Variants in ANK3 observed in about 807,000 individuals in gnomAD.
ANK3 encodes ankyrin 3.
A neutral mutation model predicts 370.9 loss-of-function variants in ANK3; 57 were observed. The observed-to-expected ratio is 0.15, with a 90% CI of 0.12 to 0.19. The LOEUF is 0.19. Ranked by LOEUF, ANK3 falls within the 10% of genes least tolerant of loss-of-function variation. The pLI, the probability that ANK3 is intolerant of heterozygous loss-of-function variation, is 1.00. For missense variants in ANK3, 4,439 were observed against 5,302.1 expected, an observed-to-expected ratio of 0.84 and a Z score of 5.06; for synonymous variants, 1,929 against 1,946.3, an observed-to-expected ratio of 0.99 and a Z score of 0.23.
intron 2 of ANK3, among the ~76,000 whole-genome samples, chr10:60,558,378 A>C (rs2133243991): frequency 6.6e-6 from 1 of 152,328 alleles, no homozygotes; most frequent in South Asian, 2.1e-4. Flanking sequence ...TCATGGCAGA[A>C]AACAGTGATA....
At chr10:60,660,934 A>ACACACACACACACACACCCC (rs373156861) in intron 1 of ANK3, among the ~76,000 whole-genome samples, 1 of 151,736 alleles carries the variant, frequency 6.6e-6, no homozygotes, top group African/African-American at 2.4e-5. Flanking sequence ...ACACACACAC[A>ACACACACACACACACACCCC]CCCCACATCT....
intron 2 of ANK3, among the ~76,000 whole-genome samples, chr10:60,563,125 G>T (rs2077377755): frequency 6.6e-6 from 1 of 151,864 alleles, no homozygotes. Context: ...AAATTCACTG[G>T]GTTTTTAAAA....
intron 2 of ANK3, among the ~76,000 whole-genome samples, chr10:60,424,509 C>G (rs568874080): frequency 6.6e-6 from 1 of 151,942 alleles, no homozygotes; most frequent in Non-Finnish European, 1.5e-5. Context: ...GTCAATTACA[C>G]CAAACATTTT....
intron 2 of ANK3, among the ~76,000 whole-genome samples, chr10:60,427,359 A>T (rs946675966): frequency 6.6e-6 from 1 of 152,128 alleles, no homozygotes; most frequent in Non-Finnish European, 1.5e-5. Flanking sequence ...TGGGCATCTG[A>T]TGTGAAAGCC....
At chr10:60,255,745 T>C (rs1296102792) in intron 7 of ANK3, among the ~76,000 whole-genome samples, 1 of 152,216 alleles carries the variant, frequency 6.6e-6, no homozygotes, top group Non-Finnish European at 1.5e-5. Flanking sequence ...CTGTGCCATT[T>C]AATAAGACAG....
At chr10:60,236,645 T>C (rs997012238) in intron 7 of ANK3, among the ~76,000 whole-genome samples, 1 of 152,244 alleles carries the variant, frequency 6.6e-6, no homozygotes, top group Non-Finnish European at 1.5e-5. Flanking sequence ...GGGTTAGGTT[T>C]ACAACCTTTC....
At chr10:60,528,823 G>T (rs1275983393) in intron 2 of ANK3, among the ~76,000 whole-genome samples, 1 of 151,926 alleles carries the variant, frequency 6.6e-6, no homozygotes, top group Non-Finnish European at 1.5e-5. Flanking sequence ...TCCCCTGGGG[G>T]ACAAAAATCA....
chr10:60,562,088 C>T (rs1217888501), intron 2 of ANK3, among the ~76,000 whole-genome samples: 1 of 152,074 alleles, frequency 6.6e-6, no homozygotes, highest in African/African-American at 2.4e-5. Context: ...TAAAACAGAC[C>T]TATTAAATAG....
chr10:60,184,427 C>T (rs2096274954), intron 17 of ANK3, among the ~76,000 whole-genome samples: 1 of 152,156 alleles, frequency 6.6e-6, no homozygotes, highest in African/African-American at 2.4e-5. Context: ...TTACAAATGC[C>T]TTCTTATTAG....
intron 42 of ANK3, 101 bp downstream of exon 42, chr10:60,055,557 C>T (rs532581351): frequency 1.9e-5 from 27 of 1,400,842 alleles, no homozygotes; most frequent in South Asian, 1.6e-4. Flanking sequence ...ATTTAGAAAT[C>T]GTAAAAAACC....
At chr10:60,266,633 A>G (rs1301134110) in intron 5 of ANK3, among the ~76,000 whole-genome samples, 4 of 152,182 alleles carry the variant, frequency 2.6e-5, no homozygotes, top group Admixed American at 6.5e-5. Flanking sequence ...ATAAACTGCA[A>G]CTGAGCCGAT....
At chr10:60,369,672 G>A (rs2059853171) in intron 1 of ANK3, among the ~76,000 whole-genome samples, 1 of 152,098 alleles carries the variant, frequency 6.6e-6, no homozygotes, top group Admixed American at 6.6e-5. Flanking sequence ...GGAACTTCCT[G>A]TTTAACATAA....
rs1419723600 is a variant in ANK3, at chr10:60,056,011, T to G, written c.12712A>C (p.Thr4238Pro). The change falls in exon 42 of 44, where the codon ACC becomes CCC. Residue 4238 changes from threonine to proline, a missense_variant. Physicochemically the swap from Thr to Pro is conservative, Grantham distance 38. This residue lies in a region of ANK3 where 242 missense variants were observed against 228.0 expected (regional missense o/e 1.06). Transcript: ENST00000280772. ...CCAGCTTCTCCTTTGAGATATGAGG[T>G]AATGGAATCTCTACACTGGTCAGGG... ...DSPDQCRDSI[T>P]SYLKGEAGKF... is the part of the protein sequence containing the mutation. 1 of 1,613,150 alleles carries G rather than the reference T, an allele frequency of 6.2e-7. No homozygotes were observed. The highest frequency in any genetic ancestry group is 2.2e-5 in the East Asian group (1 of 44,870).
At chr10:60,429,833 A>G (rs2063974281) in intron 2 of ANK3, among the ~76,000 whole-genome samples, 1 of 152,228 alleles carries the variant, frequency 6.6e-6, no homozygotes, top group South Asian at 2.1e-4. Flanking sequence ...TATTATTAAC[A>G]GTATATATTA....
chr10:60,609,124 C>G (rs1041376352), intron 2 of ANK3, among the ~76,000 whole-genome samples: 1 of 152,070 alleles, frequency 6.6e-6, no homozygotes, highest in African/African-American at 2.4e-5. Flanking sequence ...AACGTACTTG[C>G]CAAGAACTTT....
At chr10:60,202,839 C>G (rs534575686) in intron 12 of ANK3, among the ~76,000 whole-genome samples, 163 bp downstream of exon 12, 2 of 152,160 alleles carry the variant, frequency 1.3e-5, no homozygotes, top group African/African-American at 4.8e-5. Context: ...GTCCAGGATT[C>G]AAGGCTGCAG....
intron 2 of ANK3, among the ~76,000 whole-genome samples, chr10:60,435,396 C>T (rs1251041640): frequency 2.6e-5 from 4 of 152,138 alleles, no homozygotes; most frequent in African/African-American, 9.7e-5. Context: ...TTACTTCCAG[C>T]ACATTTTCTT....
chr10:60,247,824 C>T (rs903082628), intron 7 of ANK3, among the ~76,000 whole-genome samples: 3 of 152,148 alleles, frequency 2.0e-5, no homozygotes, highest in Non-Finnish European at 2.9e-5. Context: ...CACATCACCA[C>T]ACCCAGCTAA....
intron 28 of ANK3, among the ~76,000 whole-genome samples, chr10:60,101,167 C>T (rs187829741): frequency 5.3e-5 from 8 of 152,250 alleles, no homozygotes; most frequent in African/African-American, 9.6e-5. Context: ...CTCATCCTCG[C>T]GTATCTGGTG....
Sources: gnomAD v4.1 joint callset for allele counts (sites outside exome capture counted in the v4.1 genomes callset) on GRCh38, gnomAD v4.1.1 for gene constraint, gnomAD v4.1.1 regional missense constraint, MANE v1.5 for transcripts, NCBI Gene and HGNC (gene_info 2026-07-23, HGNC 2026-07-21) for gene names.